RIC3: variants seen among roughly 807,000 people sequenced by gnomAD.
The protein encoded by RIC3 is RIC3 acetylcholine receptor chaperone.
A neutral mutation model predicts 27.3 loss-of-function variants in RIC3; 28 were observed. The ratio of observed to expected loss-of-function variants is 1.02; its 90% CI spans 0.76 to 1.41. RIC3 has a LOEUF of 1.41. Among genes scored for constraint, RIC3 ranks in the 40% most tolerant of loss-of-function variants. The pLI is 0.00. For missense variants in RIC3, 501 were observed against 444.7 expected (o/e 1.13, Z -1.14); for synonymous variants, 184 against 160.4 (o/e 1.15, Z -1.11).
chr11:8,100,782 G>T, the RIC3 span: 22 of 1,607,584 alleles, frequency 1.4e-5, 1 homozygote, highest in South Asian at 2.4e-4. Flanking sequence ...GGTGGTCATG[G>T]TGCCAAAGGC....
intron 5 of RIC3, among the ~76,000 whole-genome samples, chr11:8,125,761 T>TGGCCCACA (rs1196889654): frequency 6.6e-6 from 1 of 152,144 alleles, no homozygotes; most frequent in African/African-American, 2.4e-5. Flanking sequence ...CCGGGCGCGG[T>TGGCCCACA]GGCCCACAGG....
chr11:8,155,747 T>A (rs181418173), intron 1 of RIC3, among the ~76,000 whole-genome samples: 19 of 152,138 alleles, frequency 1.2e-4, no homozygotes, highest in African/African-American at 3.4e-4. Context: ...AATAAATCTA[T>A]AAAGAACTGG....
intron 1 of RIC3, chr11:8,153,324 A>T: frequency 2.6e-6 from 1 of 390,758 alleles, no homozygotes; most frequent in South Asian, 2.0e-5. Context: ...CTCTGTCTTT[A>T]AAAAGAGTTT....
intron 5 of RIC3, among the ~76,000 whole-genome samples, chr11:8,114,440 AC>A (rs1186016136): frequency 6.6e-6 from 1 of 152,014 alleles, no homozygotes; most frequent in African/African-American, 2.4e-5. Flanking sequence ...TCCTATCTCT[AC>A]TAAAAATACA....
downstream of RIC3, chr11:8,103,848 C>T (rs74741915): frequency 0.05 from 7,667 of 152,466 alleles, 250 homozygotes; most frequent in African/African-American, 0.089. Context: ...ACGGAGACCC[C>T]GGTGGCAGTG....
chr11:8,117,229 G>A (rs1289127532), intron 5 of RIC3, among the ~76,000 whole-genome samples: 1 of 152,152 alleles, frequency 6.6e-6, no homozygotes, highest in Non-Finnish European at 1.5e-5. Context: ...ACCATGCCTA[G>A]CAAATTTTTG....
chr11:8,105,388 A>G (rs1364354423), downstream of RIC3: 1 of 152,228 alleles, frequency 6.6e-6, no homozygotes, highest in African/African-American at 2.4e-5. Context: ...AGCCACCGGT[A>G]ATAAGCCAAG....
chr11:8,123,237 C>G (rs1946656575), intron 5 of RIC3, among the ~76,000 whole-genome samples: 1 of 151,290 alleles, frequency 6.6e-6, no homozygotes, highest in Admixed American at 6.6e-5. Context: ...GGGGCAATAT[C>G]AAACATATAT....
downstream of RIC3, chr11:8,103,063 A>T (rs1392895023): frequency 2.0e-5 from 3 of 152,356 alleles, no homozygotes; most frequent in Admixed American, 6.5e-5. Context: ...AGTATGATCC[A>T]GGATTGGCCT....
chr11:8,105,194 T>C (rs994420972), downstream of RIC3: 5 of 151,440 alleles, frequency 3.3e-5, no homozygotes, highest in African/African-American at 4.9e-5. Flanking sequence ...TTCCCTTCTC[T>C]AATTCCTTAC....
the RIC3 span, chr11:8,100,980 T>C: frequency 9.3e-6 from 15 of 1,614,184 alleles, no homozygotes; most frequent in Non-Finnish European, 1.3e-5. Context: ...AACTTCCAGA[T>C]CATCCATGGC....
At chr11:8,150,623 T>C (rs1198390814) in intron 1 of RIC3, among the ~76,000 whole-genome samples, 1 of 152,154 alleles carries the variant, frequency 6.6e-6, no homozygotes, top group African/African-American at 2.4e-5. Context: ...GGAAGAATAT[T>C]GTATTTATGT....
In RIC3 at chr11:8,108,374, T is replaced by A. The variant is rs561903588; in HGVS notation, c.*2324A>T. 1 of 152,216 alleles carries A rather than the reference T, an allele frequency of 6.6e-6. No individual in the cohort carries two copies. Among genetic ancestry groups the A allele is most frequent in the Admixed American group, 6.5e-5 (1 of 15,284 alleles). 9.4% of individuals were successfully genotyped at this position (152,216 alleles called of 1,614,324 possible). A position where few individuals can be genotyped will look rare whatever the true frequency, so the allele number is the denominator to read the frequency against. ...ACTGTGAAGTTTCTTGGCAATACTTTAGCAAAAACAATTTATCTTTCCTGT... is the reference window on the plus strand; with the variant it reads ...ACTGTGAAGTTTCTTGGCAATACTTAAGCAAAAACAATTTATCTTTCCTGT... On this transcript the variant is annotated 3_prime_UTR_variant, in exon 6 of 6. Coordinates refer to ENST00000309737, the MANE Select transcript of RIC3 (RefSeq NM_001206671.4).
At chr11:8,096,603 A>G in the RIC3 span, 1 of 931,426 alleles carries the variant, frequency 1.1e-6, no homozygotes, top group Admixed American at 1.7e-5. Context: ...CAGTGTCTGA[A>G]CATGAGTATG....
intron 5 of RIC3, among the ~76,000 whole-genome samples, chr11:8,125,584 T>C (rs2133603304): frequency 6.6e-6 from 1 of 152,284 alleles, no homozygotes; most frequent in East Asian, 1.9e-4. Flanking sequence ...ACAATTAAGG[T>C]ATCATTTTAC....
chr11:8,132,430 T>C (rs1947853459), intron 4 of RIC3, among the ~76,000 whole-genome samples: 1 of 152,134 alleles, frequency 6.6e-6, no homozygotes, highest in South Asian at 2.1e-4. Context: ...AGGACCAAAA[T>C]CGTAAGGACA....
the RIC3 span, chr11:8,097,457 G>A: frequency 6.2e-7 from 1 of 1,613,740 alleles, no homozygotes; most frequent in Non-Finnish European, 8.5e-7. Flanking sequence ...TATCATCTAG[G>A]CTTTACAGCC....
At chr11:8,137,341 T>A (rs1222609105) in intron 4 of RIC3, 37 bp downstream of exon 4, 34 of 1,570,058 alleles carry the variant, frequency 2.2e-5, no homozygotes, top group Non-Finnish European at 2.7e-5. Context: ...ATTTTCTAAA[T>A]GAGAAATAGT....
chr11:8,141,644 C>T (rs140925008), intron 1 of RIC3, among the ~76,000 whole-genome samples: 2 of 151,524 alleles, frequency 1.3e-5, no homozygotes, highest in Admixed American at 1.3e-4. Flanking sequence ...ACAAGGATAC[C>T]CAGGAATTGA....
Sources: gnomAD v4.1 joint callset for allele counts (sites outside exome capture counted in the v4.1 genomes callset) on GRCh38, gnomAD v4.1.1 for gene constraint, MANE v1.5 for transcripts, NCBI Gene and HGNC (gene_info 2026-07-23, HGNC 2026-07-21) for gene names.